The following B3GLCT variants were observed in gnomAD, a reference collection of about 807,000 sequenced individuals.
B3GLCT encodes beta-1,3-glucosyltransferase.
B3GLCT carries 65 observed loss-of-function variants against 63.4 expected under a neutral mutation model. That is an observed-to-expected ratio of 1.03 (90% confidence interval 0.84 to 1.26). The LOEUF is 1.26. Among genes scored for constraint, B3GLCT ranks in the 50% most tolerant of loss-of-function variants. The pLI, the probability that B3GLCT is intolerant of heterozygous loss-of-function variation, is 0.00. For missense variants in B3GLCT, 577 were observed against 604.8 expected (o/e 0.95, Z 0.48); for synonymous variants, 233 against 219.2 (o/e 1.06, Z -0.55).
chr13:31,275,710 C>T (rs1872750676), intron 9 of B3GLCT, among the ~76,000 whole-genome samples: 1 of 152,058 alleles, frequency 6.6e-6, no homozygotes, highest in Non-Finnish European at 1.5e-5. Context: ...TGTTCACCAA[C>T]CTCAGATATT....
intron 3 of B3GLCT, among the ~76,000 whole-genome samples, chr13:31,226,222 G>C (rs1197750815): frequency 9.8e-5 from 15 of 152,314 alleles, no homozygotes. Context: ...GTGTTACAAT[G>C]GCCTGCCTAT....
chr13:31,305,426 C>T (rs1298447132), intron 12 of B3GLCT, among the ~76,000 whole-genome samples: 3 of 60,896 alleles, frequency 4.9e-5, no homozygotes, highest in Non-Finnish European at 3.3e-5. Flanking sequence ...ATTGATAGAC[C>T]GCTAGCAAGA....
At chr13:31,241,772 G>T (rs1388878088) in intron 4 of B3GLCT, among the ~76,000 whole-genome samples, 1 of 152,192 alleles carries the variant, frequency 6.6e-6, no homozygotes, top group Admixed American at 6.5e-5. Flanking sequence ...ACTGAAGGCG[G>T]CAATACATCG....
intron 12 of B3GLCT, among the ~76,000 whole-genome samples, chr13:31,311,040 C>T (rs1409466412): frequency 6.6e-6 from 1 of 152,218 alleles, no homozygotes; most frequent in East Asian, 1.9e-4. Flanking sequence ...GCTGGCCAAC[C>T]GTGGAGATTT....
chr13:31,261,498 G>A, intron 7 of B3GLCT, among the ~76,000 whole-genome samples: 1 of 152,192 alleles, frequency 6.6e-6, no homozygotes. Flanking sequence ...AGGTGCATGG[G>A]TATGCATACT....
At chr13:31,224,891 G>A (rs765715012) in intron 3 of B3GLCT, among the ~76,000 whole-genome samples, 1 of 152,158 alleles carries the variant, frequency 6.6e-6, no homozygotes, top group Non-Finnish European at 1.5e-5. Context: ...AGGAAGATGA[G>A]CACTTTACAG....
intron 1 of B3GLCT, among the ~76,000 whole-genome samples, chr13:31,205,247 TG>T (rs372227692): frequency 2.6e-5 from 4 of 151,094 alleles, no homozygotes; most frequent in African/African-American, 7.3e-5. Flanking sequence ...TTTTTTTTTT[TG>T]TTTTTTTTTT....
chr13:31,229,267 C>A lies in B3GLCT; in HGVS notation c.243C>A (p.Ile81=). ...GAGCAGAGCAGTTAAAAAAAAGCATCTTAAAGCAGGCTGCAGATCTTACAC... is the reference window on the plus strand; with the variant it reads ...GAGCAGAGCAGTTAAAAAAAAGCATATTAAAGCAGGCTGCAGATCTTACAC... The part of the protein sequence containing the change: ...AKRAEQLKKS[I]LKQAADLTQE... Residue 81 remains isoleucine, a synonymous_variant, in exon 4 of 15, where the codon ATC becomes ATA. Transcript: ENST00000343307. The A allele has an allele frequency of 4.3e-6, 7 of 1,612,316 alleles. No homozygotes were observed. The highest frequency in any genetic ancestry group is 5.9e-6 in the Non-Finnish European group (7 of 1,178,380).
intron 13 of B3GLCT, among the ~76,000 whole-genome samples, chr13:31,318,363 A>G: frequency 6.6e-6 from 1 of 152,152 alleles, no homozygotes; most frequent in East Asian, 1.9e-4. Context: ...TTTATAATCT[A>G]ATGGATTATA....
At chr13:31,322,582 GT>G (rs1875382991) in intron 13 of B3GLCT, among the ~76,000 whole-genome samples, 1 of 152,172 alleles carries the variant, frequency 6.6e-6, no homozygotes. Context: ...TAATAAACAA[GT>G]GTTATTAACG....
chr13:31,227,564 A>G (rs1490832792), intron 3 of B3GLCT, among the ~76,000 whole-genome samples: 9 of 152,184 alleles, frequency 5.9e-5, no homozygotes, highest in Non-Finnish European at 1.3e-4. Context: ...TATTTATATA[A>G]ACTCCTAAAG....
At chr13:31,202,315 C>T (rs1868713929) in intron 1 of B3GLCT, among the ~76,000 whole-genome samples, 3 of 152,178 alleles carry the variant, frequency 2.0e-5, no homozygotes, top group African/African-American at 7.2e-5. Context: ...AAGTCTGGCA[C>T]CAGTTTCAGA....
intron 8 of B3GLCT, among the ~76,000 whole-genome samples, chr13:31,269,641 C>T (rs1429956428): frequency 2.2e-5 from 3 of 138,152 alleles, no homozygotes; most frequent in African/African-American, 8.6e-5. Context: ...GATCATGTCC[C>T]CGCCCCCCTA....
chr13:31,238,739 TGA>T (rs1268228049), intron 4 of B3GLCT, among the ~76,000 whole-genome samples: 1 of 152,098 alleles, frequency 6.6e-6, no homozygotes, highest in Admixed American at 6.5e-5. Context: ...TCTAAGAGTT[TGA>T]GACCACCTTG....
intron 12 of B3GLCT, among the ~76,000 whole-genome samples, chr13:31,287,639 G>T (rs913388812): frequency 6.6e-6 from 1 of 151,812 alleles, no homozygotes; most frequent in Non-Finnish European, 1.5e-5. Context: ...AAGTTGCCAG[G>T]CATATAAAGC....
chr13:31,200,407 C>T (rs1193843284), intron 1 of B3GLCT, among the ~76,000 whole-genome samples: 5 of 150,104 alleles, frequency 3.3e-5, no homozygotes, highest in African/African-American at 1.2e-4. Flanking sequence ...CCCGCTGCCG[C>T]CCCGGCCCCA....
rs1874514742 is a variant in B3GLCT, at chr13:31,308,362, A to AAAAAAAC, written c.1065-9198_1065-9197insCAAAAAA. On this transcript the variant is annotated intron_variant, in intron 12 of 14. Transcript: ENST00000343307. ...AAAAAAAAATTAAAAAAAAAAAAAC[A>AAAAAAAC]AAAAAAAAAGCTAGTCCCACATGGC... 4.4e-3 allele frequency among the ~76,000 whole-genome samples: 271 copies of AAAAAAAC among 61,888 alleles called. 10 individuals are homozygous for AAAAAAAC. The highest frequency in any genetic ancestry group is 6.3e-3 in the African/African-American group (138 of 21,800). The allele number at this position is 61,888 out of a possible 152,430, so 40.6% of individuals were successfully genotyped here.
At chr13:31,270,225 C>A (rs17702826) in intron 8 of B3GLCT, among the ~76,000 whole-genome samples, 1,610 of 152,284 alleles carry the variant, frequency 0.011, 6 homozygotes, top group Non-Finnish European at 0.015. Flanking sequence ...GCCTCTCATT[C>A]TCTGCAGGAA....
At chr13:31,315,368 G>A (rs150301188) in intron 12 of B3GLCT, among the ~76,000 whole-genome samples, 4,231 of 152,210 alleles carry the variant, frequency 0.028, 203 homozygotes, top group African/African-American at 0.097. Context: ...GGGAACTGGA[G>A]CAAAGGTCAC....
Sources: allele counts gnomAD v4.1 joint callset (sites outside exome capture counted in the v4.1 genomes callset), GRCh38; gene constraint gnomAD v4.1.1; transcripts MANE v1.5; gene names NCBI Gene and HGNC (gene_info 2026-07-23, HGNC 2026-07-21).